CHMP4C: variants seen among roughly 807,000 people sequenced by gnomAD.
CHMP4C encodes charged multivesicular body protein 4C.
A neutral mutation model predicts 29.0 loss-of-function variants in CHMP4C; 28 were observed. The ratio of observed to expected loss-of-function variants is 0.97; its 90% confidence interval spans 0.72 to 1.32. CHMP4C has a LOEUF of 1.32. CHMP4C is among the 40% of genes most tolerant of loss of function. CHMP4C has a pLI of 0.00. For missense variants in CHMP4C, 291 were observed against 281.0 expected (o/e 1.04, Z -0.25); for synonymous variants, 106 against 102.4 (o/e 1.04, Z -0.21).
chr8:81,742,440 T>C (rs949509882), intron 1 of CHMP4C, among the ~76,000 whole-genome samples: 13 of 152,230 alleles, frequency 8.5e-5, no homozygotes, highest in Admixed American at 5.9e-4. Flanking sequence ...CTAGCTTAAA[T>C]GAAATAAAGT....
At chr8:81,756,576 T>C (rs543426904) in intron 3 of CHMP4C, among the ~76,000 whole-genome samples, 19 of 152,310 alleles carry the variant, frequency 1.2e-4, no homozygotes, top group Non-Finnish European at 2.2e-4. Context: ...ATAATGAAGA[T>C]TTTTGGATCC....
chr8:81,733,420 T>G (rs1442126207), intron 1 of CHMP4C, among the ~76,000 whole-genome samples: 1 of 152,226 alleles, frequency 6.6e-6, no homozygotes, highest in Non-Finnish European at 1.5e-5. Context: ...AATTACACAT[T>G]TTAACTTGCA....
chr8:81,758,992 C>G lies in CHMP4C; in HGVS notation c.*448C>G, dbSNP rs367973272. On this transcript the variant is annotated 3_prime_UTR_variant, in exon 5 of 5. Transcript: ENST00000297265. ...CTCCAGACTGGGCAACAGAGGGAGA[C>G]TCCGTCTCAAAAACTAAAAAAAAAA... 7.2e-6 allele frequency: 1 copy of G among 139,296 alleles called. No homozygotes were observed. The highest frequency in any genetic ancestry group is 1.5e-5 in the Non-Finnish European group (1 of 66,630). 8.6% of individuals were successfully genotyped at this position (139,296 alleles called of 1,614,324 possible).
intron 2 of CHMP4C, 141 bp from the exon 3 acceptor site, chr8:81,755,229 A>G (rs1808956705): frequency 2.7e-5 from 11 of 414,600 alleles, no homozygotes; most frequent in Non-Finnish European, 4.7e-5. Flanking sequence ...TTTAAAGTTT[A>G]TAAATATCAT....
At chr8:81,741,657 C>A (rs1808763965) in intron 1 of CHMP4C, among the ~76,000 whole-genome samples, 1 of 152,096 alleles carries the variant, frequency 6.6e-6, no homozygotes, top group Non-Finnish European at 1.5e-5. Flanking sequence ...TTGTACTATG[C>A]CTAAGTACAT....
Position 81,748,685 on chromosome 8 carries a change from C to A in CHMP4C, c.191-4379C>A, listed in dbSNP as rs376056457. On this transcript the variant is annotated intron_variant, in intron 1 of 4. Coordinates refer to ENST00000297265, the MANE Select transcript of CHMP4C (RefSeq NM_152284.4). ...GGGTGTGATGGCTCACACCTGTAAT[C>A]CCAGCAGGCCGAGGCAGGCGATCAC... Among the ~76,000 whole-genome samples the A allele has an allele frequency of 3.3e-4, 50 of 152,074 alleles. No homozygotes were observed. In the South Asian group the frequency reaches 4.8e-3, roughly 15 times the overall value.
intron 1 of CHMP4C, among the ~76,000 whole-genome samples, chr8:81,749,441 G>C (rs1365376003): frequency 6.6e-6 from 1 of 152,196 alleles, no homozygotes; most frequent in Admixed American, 6.6e-5. Context: ...AAATGGACAA[G>C]GTGCTGGGGA....
chr8:81,749,749 A>G (rs567067380), intron 1 of CHMP4C, among the ~76,000 whole-genome samples: 1 of 152,310 alleles, frequency 6.6e-6, no homozygotes, highest in South Asian at 2.1e-4. Context: ...CAACAATAGA[A>G]CATCATGCTC....
At chr8:81,746,039 T>C (rs1052906990) in intron 1 of CHMP4C, among the ~76,000 whole-genome samples, 1 of 152,158 alleles carries the variant, frequency 6.6e-6, no homozygotes, top group South Asian at 2.1e-4. Flanking sequence ...TTAAGGCCTG[T>C]CCAGCTCATG....
intron 1 of CHMP4C, among the ~76,000 whole-genome samples, chr8:81,734,432 G>A (rs1303895206): frequency 1.3e-5 from 2 of 152,214 alleles, no homozygotes; most frequent in African/African-American, 2.4e-5. Context: ...CCAGGTTCAA[G>A]CGATTCTCCT....
intron 1 of CHMP4C, among the ~76,000 whole-genome samples, chr8:81,752,734 T>C (rs1166838423): frequency 6.6e-6 from 1 of 152,166 alleles, no homozygotes; most frequent in Non-Finnish European, 1.5e-5. Flanking sequence ...TATTGTATGA[T>C]TTTTACTCAT....
chr8:81,737,275 C>A (rs1396390764), intron 1 of CHMP4C, among the ~76,000 whole-genome samples: 1 of 152,180 alleles, frequency 6.6e-6, no homozygotes, highest in Admixed American at 6.5e-5. Flanking sequence ...GAGTGGGGAT[C>A]AGGCATCTGT....
chr8:81,738,495 A>G (rs1808721325), intron 1 of CHMP4C, among the ~76,000 whole-genome samples: 1 of 152,310 alleles, frequency 6.6e-6, no homozygotes, highest in South Asian at 2.1e-4. Flanking sequence ...GGAGAGAAGG[A>G]GTGTGCACAA....
At chr8:81,741,101 T>C (rs1808757304) in intron 1 of CHMP4C, among the ~76,000 whole-genome samples, 1 of 152,230 alleles carries the variant, frequency 6.6e-6, no homozygotes, top group Admixed American at 6.5e-5. Flanking sequence ...AGTTTGCTGA[T>C]GGATTGTAGC....
chr8:81,752,938 T>G, intron 1 of CHMP4C, 126 bp from the exon 2 acceptor site: 1 of 643,668 alleles, frequency 1.6e-6, no homozygotes, highest in Non-Finnish European at 2.5e-6. Context: ...ATTTCTCAGG[T>G]TTATTTTGGT....
chr8:81,732,640 G>C lies in CHMP4C; in HGVS notation c.14G>C (p.Gly5Ala). 6.4e-7 allele frequency: 1 copy of C among 1,552,776 alleles called. No individual in the cohort carries two copies. The highest frequency in any genetic ancestry group is 8.7e-7 in the Non-Finnish European group (1 of 1,148,906). MSKL[G>A]KFFKGGGSSK... ...AACTCCACAGCAATGAGCAAGTTGG[G>C]CAAGTTCTTTAAAGGGGGCGGCTCT... Residue 5 changes from glycine (G) to alanine (A), a missense_variant, in exon 1 of 5, where the codon GGC becomes GCC. Physicochemically the swap from Gly to Ala is moderately conservative, Grantham distance 60 (BLOSUM62 0). Coordinates refer to ENST00000297265, the MANE Select transcript of CHMP4C (RefSeq NM_152284.4).
At chr8:81,752,925 T>C in intron 1 of CHMP4C, 139 bp from the exon 2 acceptor site, 1 of 566,334 alleles carries the variant, frequency 1.8e-6, no homozygotes. Flanking sequence ...ATATGAGTTG[T>C]TTATTTCTCA....
rs16909545 is a variant in CHMP4C, at chr8:81,745,708, C to G, written c.191-7356C>G. On this transcript the variant is annotated intron_variant, in intron 1 of 4. Transcript: ENST00000297265. ...TATCCTGCTAGCAATAGTACATAAA[C>G]GACATTGTTCGGCAACTCCAGTGCT... Among the ~76,000 whole-genome samples the G allele has an allele frequency of 9.7e-3, 1,473 of 152,254 alleles. 24 individuals are homozygous for G. The highest frequency in any genetic ancestry group is 0.033 in the African/African-American group (1,391 of 41,558).
chr8:81,741,665 C>T (rs182985133), intron 1 of CHMP4C, among the ~76,000 whole-genome samples: 1 of 152,252 alleles, frequency 6.6e-6, no homozygotes, highest in African/African-American at 2.4e-5. Flanking sequence ...TGCCTAAGTA[C>T]ATGTGAATCT....
Sources: allele counts gnomAD v4.1 joint callset (sites outside exome capture counted in the v4.1 genomes callset), GRCh38; gene constraint gnomAD v4.1.1; transcripts MANE v1.5; gene names NCBI Gene and HGNC (gene_info 2026-07-23, HGNC 2026-07-21).